The following RGS7 variants were observed in gnomAD, a reference collection of about 807,000 sequenced individuals.
RGS7 encodes regulator of G-protein signaling 7.
Under a neutral mutation model 81.1 loss-of-function variants are expected in RGS7, and 27 were observed. The observed-to-expected ratio is 0.33, with a 90% CI of 0.25 to 0.46. The LOEUF is 0.46. Among genes scored for constraint, RGS7 ranks in the 20% least tolerant of loss-of-function variants. The pLI, the probability that RGS7 is intolerant of heterozygous loss-of-function variation, is 1.00. For synonymous variants in RGS7, 208 were observed against 207.7 expected (o/e 1.00, Z -0.01); for missense variants, 396 against 607.4 (o/e 0.65, Z 3.66).
At chr1:241,098,579 G>T in intron 3 of RGS7, 87 bp downstream of exon 3, 1 of 873,854 alleles carries the variant, frequency 1.1e-6, no homozygotes, top group Non-Finnish European at 1.9e-6. Flanking sequence ...TAGAGACAGA[G>T]TTTCAATAGT....
At chr1:241,233,385 C>G (rs1015903727) in intron 2 of RGS7, among the ~76,000 whole-genome samples, 1 of 152,176 alleles carries the variant, frequency 6.6e-6, no homozygotes, top group African/African-American at 2.4e-5. Context: ...CCCTCCTCCA[C>G]ACTGCCATTC....
chr1:241,251,857 T>A (rs1253854834), intron 2 of RGS7, among the ~76,000 whole-genome samples: 1 of 151,888 alleles, frequency 6.6e-6, no homozygotes, highest in Non-Finnish European at 1.5e-5. Context: ...TTTAGATCAT[T>A]TGAAGGAAAT....
At chr1:241,228,537 T>A (rs2075463758) in intron 2 of RGS7, among the ~76,000 whole-genome samples, 1 of 152,122 alleles carries the variant, frequency 6.6e-6, no homozygotes, top group Non-Finnish European at 1.5e-5. Context: ...TAAACCCAAC[T>A]AGATGATAGA....
At chr1:241,150,806 G>A (rs918760041) in intron 2 of RGS7, among the ~76,000 whole-genome samples, 3 of 152,188 alleles carry the variant, frequency 2.0e-5, no homozygotes, top group African/African-American at 7.2e-5. Flanking sequence ...TGGAGAACCA[G>A]AGAAGCCAGG....
chr1:240,824,567 C>T (rs1179872487), intron 10 of RGS7, among the ~76,000 whole-genome samples: 2 of 152,246 alleles, frequency 1.3e-5, no homozygotes, highest in South Asian at 2.1e-4. Context: ...AGATACAGAG[C>T]TGTGGACCCC....
intron 2 of RGS7, among the ~76,000 whole-genome samples, chr1:241,235,324 CAGTT>C (rs2075868929): frequency 6.6e-6 from 1 of 152,194 alleles, no homozygotes; most frequent in African/African-American, 2.4e-5. Context: ...CTCTCAGAAT[CAGTT>C]AGAGTGCCTT....
chr1:241,065,672 T>C (rs1255344363), intron 3 of RGS7, among the ~76,000 whole-genome samples: 3 of 152,232 alleles, frequency 2.0e-5, no homozygotes, highest in African/African-American at 4.8e-5. Context: ...CTTATGGTTA[T>C]TCTTAAAAAC....
rs915432105 is a variant in RGS7 at position 240,877,864 on chromosome 1, G to A, written c.386-7745C>T. Among the ~76,000 whole-genome samples the A allele has an allele frequency of 3.3e-5, 5 of 152,298 alleles. 1 individual carries two copies. In the South Asian group the frequency reaches 1.0e-3, roughly 32 times the overall value. On this transcript the variant is annotated intron_variant, in intron 6 of 18. Transcript: ENST00000440928. ...ACCAAATTTCAGAAAGTTTAGACATGAGCATATATCAGATGCTTTTCAACT... is the reference window on the plus strand; with the variant it reads ...ACCAAATTTCAGAAAGTTTAGACATAAGCATATATCAGATGCTTTTCAACT...
intron 2 of RGS7, among the ~76,000 whole-genome samples, chr1:241,312,925 A>G (rs2080636788): frequency 6.6e-6 from 1 of 152,202 alleles, no homozygotes; most frequent in Admixed American, 6.5e-5. Flanking sequence ...CACACGAATG[A>G]TAAGAGAGTG....
At chr1:240,887,808 T>A (rs888315152) in intron 6 of RGS7, among the ~76,000 whole-genome samples, 8 of 152,368 alleles carry the variant, frequency 5.3e-5, no homozygotes, top group East Asian at 1.9e-4. Context: ...ACTATATTTT[T>A]AATTTTCTAT....
intron 6 of RGS7, among the ~76,000 whole-genome samples, chr1:240,883,842 G>T (rs574468026): frequency 2.0e-5 from 3 of 152,238 alleles, no homozygotes; most frequent in African/African-American, 7.2e-5. Flanking sequence ...TTGGGAGGCT[G>T]AGGCGGGTGG....
chr1:241,043,390 T>C (rs972751527), intron 3 of RGS7, among the ~76,000 whole-genome samples: 10 of 151,600 alleles, frequency 6.6e-5, no homozygotes, highest in Non-Finnish European at 1.3e-4. Context: ...ATGATATTGT[T>C]GACCCTATAT....
chr1:240,911,102 C>G (rs1302853615), intron 6 of RGS7, among the ~76,000 whole-genome samples: 3 of 152,082 alleles, frequency 2.0e-5, no homozygotes, highest in African/African-American at 7.2e-5. Flanking sequence ...TTGTCTTTCT[C>G]TCTCTCAATC....
chr1:240,817,432 C>T (rs918124756), intron 10 of RGS7, among the ~76,000 whole-genome samples: 14 of 151,990 alleles, frequency 9.2e-5, no homozygotes, highest in African/African-American at 2.4e-4. Context: ...ATTTTCAGGC[C>T]CGTCACCAAG....
intron 4 of RGS7, among the ~76,000 whole-genome samples, chr1:240,945,999 G>A (rs1014987854): frequency 1.3e-5 from 2 of 152,004 alleles, no homozygotes; most frequent in Non-Finnish European, 2.9e-5. Flanking sequence ...AAATTAGTTT[G>A]GAAACTAGAT....
chr1:240,906,431 T>C (rs540679355), intron 6 of RGS7, among the ~76,000 whole-genome samples: 1 of 152,316 alleles, frequency 6.6e-6, no homozygotes, highest in Non-Finnish European at 1.5e-5. Flanking sequence ...GAACCAAGAA[T>C]TGGAACAGTC....
intron 2 of RGS7, among the ~76,000 whole-genome samples, chr1:241,310,550 T>C (rs1244781129): frequency 6.6e-6 from 1 of 150,822 alleles, no homozygotes; most frequent in Non-Finnish European, 1.5e-5. Context: ...GACAGGACTA[T>C]GTCTTTTTTT....
intron 4 of RGS7, among the ~76,000 whole-genome samples, chr1:240,956,428 A>C (rs994372629): frequency 2.0e-5 from 3 of 152,142 alleles, no homozygotes; most frequent in Non-Finnish European, 2.9e-5. Flanking sequence ...GATGTAAATA[A>C]ATAATTGAAT....
intron 2 of RGS7, among the ~76,000 whole-genome samples, chr1:241,220,960 A>C (rs1273494971): frequency 2.2e-5 from 1 of 46,378 alleles, no homozygotes; most frequent in Non-Finnish European, 5.3e-5. Context: ...CAAGGAAGGA[A>C]GGAAGGAAGG....
Sources: allele counts gnomAD v4.1 joint callset (sites outside exome capture counted in the v4.1 genomes callset), GRCh38; gene constraint gnomAD v4.1.1; transcripts MANE v1.5; gene names NCBI Gene and HGNC (gene_info 2026-07-23, HGNC 2026-07-21).